UNC13C: variants seen among roughly 807,000 people sequenced by gnomAD.
UNC13C encodes the protein protein unc-13 homolog C.
In UNC13C, 174 loss-of-function variants were observed where a neutral mutation model predicts 245.4. The ratio of observed to expected loss-of-function variants is 0.71; its 90% CI spans 0.63 to 0.80. UNC13C has a LOEUF of 0.80. Among genes scored for constraint, UNC13C ranks in the 30% least tolerant of loss-of-function variants. The pLI, the probability that UNC13C is intolerant of heterozygous loss-of-function variation, is 0.00. For missense variants in UNC13C, 2,829 were observed against 2,602.9 expected, an observed-to-expected ratio of 1.09 and a Z score of -1.89; for synonymous variants, 992 against 895.1, an observed-to-expected ratio of 1.11 and a Z score of -1.93.
At chr15:54,053,620 C>A (rs890667414) in intron 2 of UNC13C, among the ~76,000 whole-genome samples, 22 of 152,120 alleles carry the variant, frequency 1.4e-4, no homozygotes, top group African/African-American at 5.3e-4. Flanking sequence ...AATAATTTAT[C>A]CTTTCTTTGT....
intron 1 of UNC13C, among the ~76,000 whole-genome samples, chr15:53,985,722 T>A (rs1232982376): frequency 2.0e-5 from 3 of 152,050 alleles, no homozygotes; most frequent in African/African-American, 7.2e-5. Flanking sequence ...GCCTACCTGA[T>A]GTCATAACCA....
chr15:54,623,855 T>G lies in UNC13C; in HGVS notation c.6260T>G (p.Val2087Gly). 1.2e-6 allele frequency: 2 copies of G among 1,613,252 alleles called. 1 individual carries two copies. Reference sequence around the variant, plus strand: ...GCAATGTTCCGCCCCTTTGTGGAAGTTTGTATACTGGGACCCAACCTTGGA... The same window carrying G: ...GCAATGTTCCGCCCCTTTGTGGAAGGTTGTATACTGGGACCCAACCTTGGA... ...TTAMFRPFVE[V>G]CILGPNLGDK... Residue 2087 changes from valine (V) to glycine (G), a missense_variant, in exon 32 of 33, where the codon GTT (valine) becomes GGT (glycine). Val to Gly is a moderately radical substitution (Grantham distance 109). Coordinates refer to ENST00000260323, the MANE Select transcript of UNC13C (RefSeq NM_001080534.3).
intron 1 of UNC13C, among the ~76,000 whole-genome samples, chr15:53,991,886 A>G (rs866891784): frequency 1.3e-5 from 2 of 152,036 alleles, no homozygotes; most frequent in Admixed American, 6.6e-5. Flanking sequence ...ATACTCAACA[A>G]TGTTGTTCAG....
intron 1 of UNC13C, among the ~76,000 whole-genome samples, chr15:54,008,015 T>C (rs1293391401): frequency 4.6e-5 from 7 of 152,194 alleles, no homozygotes; most frequent in Non-Finnish European, 1.0e-4. Flanking sequence ...ATAAAATACT[T>C]TACTGCATTT....
chr15:53,917,456 G>C, the UNC13C span, among the ~76,000 whole-genome samples: 15 of 152,308 alleles, frequency 9.8e-5, no homozygotes, highest in African/African-American at 3.1e-4. Flanking sequence ...ACTCCTAAAA[G>C]TGAGTACCTA....
chr15:54,029,968 G>C (rs1384993174), intron 2 of UNC13C, among the ~76,000 whole-genome samples: 3 of 152,178 alleles, frequency 2.0e-5, no homozygotes, highest in African/African-American at 7.2e-5. Context: ...GCAGATCCAG[G>C]ATAAATGCTG....
At chr15:54,258,198 T>A (rs1009872200) in intron 8 of UNC13C, among the ~76,000 whole-genome samples, 4 of 152,158 alleles carry the variant, frequency 2.6e-5, no homozygotes, top group African/African-American at 9.7e-5. Flanking sequence ...CTAGTTTTTT[T>A]AAGCTCAAAT....
chr15:54,127,700 T>A (rs1021208864), intron 2 of UNC13C, among the ~76,000 whole-genome samples: 1 of 139,880 alleles, frequency 7.1e-6, no homozygotes, highest in African/African-American at 3.0e-5. Context: ...GAACTTCAAG[T>A]GTGTGTGTGT....
chr15:54,462,314 C>A (rs545480912), intron 19 of UNC13C, among the ~76,000 whole-genome samples: 1 of 152,206 alleles, frequency 6.6e-6, no homozygotes, highest in Admixed American at 6.5e-5. Flanking sequence ...GGCCCTCATT[C>A]GCTCTCAGTG....
At chr15:53,961,481 G>A in the UNC13C span, among the ~76,000 whole-genome samples, 1 of 152,208 alleles carries the variant, frequency 6.6e-6, no homozygotes, top group African/African-American at 2.4e-5. Context: ...GTGGGGCCTT[G>A]GATGCATGGT....
chr15:54,535,447 G>A (rs988464103), intron 26 of UNC13C, among the ~76,000 whole-genome samples: 2 of 151,840 alleles, frequency 1.3e-5, no homozygotes, highest in Admixed American at 6.6e-5. Flanking sequence ...CACTGAGGCA[G>A]AAAACTAACA....
chr15:54,140,307 A>G (rs1331270759), intron 2 of UNC13C, among the ~76,000 whole-genome samples: 1 of 152,216 alleles, frequency 6.6e-6, no homozygotes, highest in Non-Finnish European at 1.5e-5. Flanking sequence ...TAGCTATTCC[A>G]TGAAGTGGTG....
chr15:54,568,531 G>C (rs1596586409), intron 30 of UNC13C, among the ~76,000 whole-genome samples: 1 of 151,976 alleles, frequency 6.6e-6, no homozygotes, highest in African/African-American at 2.4e-5. Context: ...TAAGCTTCTA[G>C]GATATTACTG....
chr15:54,167,177 T>C (rs2033190848), intron 4 of UNC13C, among the ~76,000 whole-genome samples: 1 of 152,076 alleles, frequency 6.6e-6, no homozygotes, highest in African/African-American at 2.4e-5. Flanking sequence ...GGGCATTTGA[T>C]TTTTGACATA....
intron 8 of UNC13C, among the ~76,000 whole-genome samples, chr15:54,258,822 G>C (rs1395471143): frequency 6.6e-6 from 1 of 152,150 alleles, no homozygotes; most frequent in Non-Finnish European, 1.5e-5. Flanking sequence ...CTGTTTTTCA[G>C]ATGAAGAAGC....
chr15:54,516,248 G>T (rs1441058709), intron 24 of UNC13C, among the ~76,000 whole-genome samples: 1 of 152,148 alleles, frequency 6.6e-6, no homozygotes, highest in Non-Finnish European at 1.5e-5. Context: ...CTTTAAACGT[G>T]CTGAGGCAAC....
chr15:54,113,037 G>A (rs1384611842), intron 2 of UNC13C, among the ~76,000 whole-genome samples: 1 of 152,148 alleles, frequency 6.6e-6, no homozygotes, highest in East Asian at 1.9e-4. Context: ...ATATGCAGAT[G>A]TATCTTGATA....
At chr15:54,040,777 A>C (rs1429707048) in intron 2 of UNC13C, among the ~76,000 whole-genome samples, 2 of 152,194 alleles carry the variant, frequency 1.3e-5, no homozygotes, top group Non-Finnish European at 2.9e-5. Context: ...TGGTACTAAC[A>C]GTGTCTGCAA....
At chr15:54,077,371 CT>C (rs869283447) in intron 2 of UNC13C, among the ~76,000 whole-genome samples, 9 of 71,728 alleles carry the variant, frequency 1.3e-4, no homozygotes, top group Admixed American at 2.1e-4. Context: ...CTTTTCTTTT[CT>C]TTTCTTTTTT....
Sources: gnomAD v4.1 joint callset for allele counts (sites outside exome capture counted in the v4.1 genomes callset) on GRCh38, gnomAD v4.1.1 for gene constraint, MANE v1.5 for transcripts, NCBI Gene and HGNC (gene_info 2026-07-23, HGNC 2026-07-21) for gene names.